MIA2: variants seen among roughly 807,000 people sequenced by gnomAD.
MIA2 encodes melanoma inhibitory activity protein 2.
A neutral mutation model predicts 167.8 loss-of-function variants in MIA2; 127 were observed. That is an observed-to-expected ratio of 0.76 (90% confidence interval 0.66 to 0.88). The LOEUF is 0.88. MIA2 is among the 40% of genes least tolerant of loss of function. MIA2 has a pLI of 0.00. For synonymous variants in MIA2, 552 were observed against 541.9 expected (o/e 1.02, Z -0.26); for missense variants, 1,690 against 1,624.7 (o/e 1.04, Z -0.69).
intron 17 of MIA2, 49 bp downstream of exon 17, chr14:39,304,430 C>A: frequency 2.0e-6 from 2 of 1,014,974 alleles, no homozygotes; most frequent in Non-Finnish European, 2.9e-6. Context: ...GTAAGTACAT[C>A]TCTTGGCAGA....
At chr14:39,300,937 T>C (rs1206048007) in intron 14 of MIA2, among the ~76,000 whole-genome samples, 3 of 22,920 alleles carry the variant, frequency 1.3e-4, no homozygotes, top group South Asian at 1.5e-3. Flanking sequence ...TACACACACA[T>C]ATATACATAT....
intron 9 of MIA2, among the ~76,000 whole-genome samples, chr14:39,288,615 C>T (rs1195872314): frequency 6.6e-6 from 1 of 150,670 alleles, no homozygotes. Flanking sequence ...TCTAGGACTA[C>T]AGGTGCCTGG....
intron 23 of MIA2, among the ~76,000 whole-genome samples, chr14:39,361,885 T>A (rs750761192): frequency 5.3e-5 from 8 of 152,224 alleles, no homozygotes; most frequent in Non-Finnish European, 1.2e-4. Flanking sequence ...CTTCTGTATT[T>A]AGTGTTTTGA....
chr14:39,260,842 T>C (rs2055067176), intron 6 of MIA2, among the ~76,000 whole-genome samples: 1 of 152,188 alleles, frequency 6.6e-6, no homozygotes, highest in Admixed American at 6.6e-5. Context: ...TGGTTTTAGG[T>C]CTATCATTTA....
rs1566748107 is a variant in MIA2 at position 39,288,462 on chromosome 14, TATATATATATA to T, written c.2131-2556_2131-2546del. Among the ~76,000 whole-genome samples the T allele has an allele frequency of 2.5e-4, 5 of 20,046 alleles. 1 individual carries two copies. Among genetic ancestry groups the T allele is most frequent in the East Asian group, 1.1e-3 (1 of 878 alleles). The allele number at this position is 20,046 out of a possible 152,430, so 13.2% of individuals were successfully genotyped here. On this transcript the variant is annotated intron_variant, in intron 9 of 28. Transcript: ENST00000640607. ...ATATATATATATATATATATATATA[TATATATATATA>T]TATTTTTTTTTTTTTTTTTGAGACG...
rs565052015 is a variant in MIA2 at position 39,314,810 on chromosome 14, ATG to A, written c.3180+37_3180+38del. 2.8e-3 allele frequency: 2,988 copies of A among 1,064,290 alleles called. 27 individuals are homozygous for A. In the African/African-American group the frequency reaches 0.031, roughly 11 times the overall value. 65.9% of individuals were successfully genotyped at this position (1,064,290 alleles called of 1,614,324 possible). A position where few individuals can be genotyped will look rare whatever the true frequency, so the allele number is the denominator to read the frequency against. ...TCTTATCAAGGGCAGGTATATATATATGTGTGTGTGTGTGTGTGTGTGTGTGT... is the reference window on the plus strand; with the variant it reads ...TCTTATCAAGGGCAGGTATATATATATGTGTGTGTGTGTGTGTGTGTGTGT... On this transcript the variant is annotated intron_variant, in intron 20 of 28. Transcript: ENST00000640607.
At chr14:39,246,046 C>G in intron 3 of MIA2, among the ~76,000 whole-genome samples, 1 of 151,302 alleles carries the variant, frequency 6.6e-6, no homozygotes, top group African/African-American at 2.4e-5. Context: ...CATTGATTGC[C>G]TCTGCTTCTC....
chr14:39,277,714 A>ATG (rs1202309652), intron 7 of MIA2, among the ~76,000 whole-genome samples: 59 of 3,642 alleles, frequency 0.016, 16 homozygotes, highest in East Asian at 0.077. Flanking sequence ...ATATATATAT[A>ATG]TGTGTGTATA....
chr14:39,241,302 G>C (rs2054026378), intron 3 of MIA2, among the ~76,000 whole-genome samples: 1 of 152,106 alleles, frequency 6.6e-6, no homozygotes, highest in South Asian at 2.1e-4. Flanking sequence ...CCTTAAATAA[G>C]GTCAGCGAGA....
chr14:39,385,711 C>G (rs745925014), intron 23 of MIA2: 6 of 993,022 alleles, frequency 6.0e-6, no homozygotes, highest in African/African-American at 1.6e-5. Context: ...TGGTAACAGA[C>G]TATAGTCCTT....
At chr14:39,279,266 G>A in intron 7 of MIA2, 71 bp from the exon 8 acceptor site, 1 of 1,313,598 alleles carries the variant, frequency 7.6e-7, no homozygotes, top group Non-Finnish European at 1.1e-6. Context: ...GTTGGCAGTA[G>A]ACGTTAAATG....
Position 39,234,228 on chromosome 14 carries a change from A to G in MIA2, c.114A>G (p.Glu38=). ...DLKKCGDLEC[E]ALINRVSAMR... ...AAAAATGTGGTGACTTGGAATGTGA[A>G]GGTAAGTTTGCTTCCCCCGCTTCTT... The change falls in exon 1 of 29, where the codon GAA becomes GAG. Residue 38 remains glutamate (E), a splice_region_variant and synonymous_variant. Transcript: ENST00000640607. 6.3e-7 allele frequency: 1 copy of G among 1,597,502 alleles called. No homozygotes were observed. Among genetic ancestry groups the G allele is most frequent in the Non-Finnish European group, 8.6e-7 (1 of 1,169,404 alleles).
At chr14:39,322,138 A>T (rs2066565300) in intron 24 of MIA2, among the ~76,000 whole-genome samples, 1 of 152,162 alleles carries the variant, frequency 6.6e-6, no homozygotes, top group Non-Finnish European at 1.5e-5. Flanking sequence ...TGATCTTTTT[A>T]TTGTAGAAAA....
intron 23 of MIA2, among the ~76,000 whole-genome samples, chr14:39,366,087 T>G (rs1172614003): frequency 6.6e-6 from 1 of 152,276 alleles, no homozygotes; most frequent in South Asian, 2.1e-4. Flanking sequence ...TCTTAGACTT[T>G]AAGCAGCTTC....
At chr14:39,379,327 G>A (rs1432489195) in intron 23 of MIA2, among the ~76,000 whole-genome samples, 1 of 152,062 alleles carries the variant, frequency 6.6e-6, no homozygotes, top group East Asian at 1.9e-4. Flanking sequence ...CCTCTTTCAG[G>A]ATAGTCCCTG....
chr14:39,267,631 C>G (rs1298073790), intron 6 of MIA2: 5 of 1,303,558 alleles, frequency 3.8e-6, no homozygotes, highest in East Asian at 2.5e-5. Flanking sequence ...TCAGAGGTCC[C>G]GAAGCCAGTC....
At chr14:39,312,892 T>C (rs2152934582) in intron 18 of MIA2, among the ~76,000 whole-genome samples, 1 of 150,988 alleles carries the variant, frequency 6.6e-6, no homozygotes, top group African/African-American at 2.4e-5. Context: ...TATAATTGTG[T>C]GTGTGTGTGT....
chr14:39,386,841 C>T lies in MIA2; in HGVS notation c.2249-44C>T. 4 of 870,566 alleles carry T rather than the reference C, an allele frequency of 4.6e-6. 1 individual carries two copies. The East Asian group carries it at 9.6e-5, about 21-fold the overall frequency. 53.9% of individuals were successfully genotyped at this position (870,566 alleles called of 1,614,324 possible). On this transcript the variant is annotated intron_variant, in intron 23 of 23. Coordinates refer to the MIA2 transcript ENST00000341502. ...GACCATAGAATTCTCAGCAACTCGT[C>T]TCTCTTCTACTTTAACTCTGAGGCG...
At chr14:39,274,341 A>G (rs1385764522) in intron 6 of MIA2, among the ~76,000 whole-genome samples, 1 of 152,072 alleles carries the variant, frequency 6.6e-6, no homozygotes, top group Non-Finnish European at 1.5e-5. Context: ...TAAGGGTGAA[A>G]AATCTCCTTG....
Sources: gnomAD v4.1 joint callset for allele counts (sites outside exome capture counted in the v4.1 genomes callset) on GRCh38, gnomAD v4.1.1 for gene constraint, MANE v1.5 for transcripts, NCBI Gene and HGNC (gene_info 2026-07-23, HGNC 2026-07-21) for gene names.